Variants in UNC79 observed in about 807,000 individuals in gnomAD.
The protein encoded by UNC79 is protein unc-79 homolog.
In UNC79, 37 loss-of-function variants were observed where a neutral mutation model predicts 283.1. The observed-to-expected ratio is 0.13, with a 90% CI of 0.10 to 0.17. The LOEUF is 0.17. Among genes scored for constraint, UNC79 ranks in the 10% least tolerant of loss-of-function variants. UNC79 has a pLI of 1.00. For synonymous variants in UNC79, 1,107 were observed against 1,200.2 expected (o/e 0.92, Z 1.61); for missense variants, 2,272 against 3,211.1 (o/e 0.71, Z 7.07).
At chr14:93,413,157 A>G (rs1438819971) in intron 1 of UNC79, among the ~76,000 whole-genome samples, 2 of 148,150 alleles carry the variant, frequency 1.3e-5, no homozygotes, top group East Asian at 2.1e-4. Flanking sequence ...AGCATTAGGT[A>G]TATCTCCTAA....
chr14:93,571,128 A>G (rs1186111971), intron 14 of UNC79, among the ~76,000 whole-genome samples: 1 of 152,348 alleles, frequency 6.6e-6, no homozygotes, highest in East Asian at 1.9e-4. Flanking sequence ...GATGTAATAA[A>G]CATTTAAAAT....
chr14:93,558,800 T>C (rs1455031795), intron 14 of UNC79, among the ~76,000 whole-genome samples: 1 of 151,878 alleles, frequency 6.6e-6, no homozygotes, highest in African/African-American at 2.4e-5. Context: ...GTGCCATAAC[T>C]GTGGAGGCCA....
intron 1 of UNC79, among the ~76,000 whole-genome samples, chr14:93,417,356 C>G (rs2055485805): frequency 6.6e-6 from 1 of 152,204 alleles, no homozygotes. Flanking sequence ...GGCCCCAACT[C>G]TCTTCTGGCT....
At position 93,687,598 on chromosome 14, in the gene UNC79, C is replaced by T. The variant is rs551554884; in HGVS notation, c.6909+937C>T. Among the ~76,000 whole-genome samples the T allele has an allele frequency of 5.9e-5, 9 of 152,268 alleles. No individual in the cohort carries two copies. The South Asian group carries it at 1.2e-3, about 21-fold the overall frequency. On this transcript the variant is annotated intron_variant, in intron 43 of 48. Transcript: ENST00000555664. ...GAACTGTTCTCTGGCTCTGCTCAGA[C>T]GATCAAAGTGGTTTTTGGTACAGTG...
intron 3 of UNC79, among the ~76,000 whole-genome samples, chr14:93,475,650 G>A (rs1009351513): frequency 6.6e-6 from 1 of 152,174 alleles, no homozygotes; most frequent in African/African-American, 2.4e-5. Context: ...TTACTATGCT[G>A]ATGAGCTTGT....
chr14:93,695,851 A>G lies in UNC79; in HGVS notation c.7548+1439A>G, dbSNP rs543473437. ...GGTTGCAGTGAGCCTAGATTTTGCC[A>G]CTGCAGTCCAGCCTGGGCAACAGGA... is the stretch of plus-strand genomic sequence containing the variant. On this transcript the variant is annotated intron_variant, in intron 47 of 48. Coordinates refer to ENST00000555664, the Ensembl canonical transcript of UNC79. 2.0e-3 allele frequency among the ~76,000 whole-genome samples: 287 copies of G among 146,724 alleles called. 3 individuals are homozygous for G. The highest frequency in any genetic ancestry group is 7.0e-3 in the Middle Eastern group (2 of 286).
chr14:93,689,962 T>C (rs747924011), intron 44 of UNC79, 155 bp from the exon 48 acceptor site: 3 of 719,014 alleles, frequency 4.2e-6, no homozygotes, highest in East Asian at 2.6e-5. Flanking sequence ...AAAACAGATA[T>C]ATCATTTTGT....
intron 47 of UNC79, among the ~76,000 whole-genome samples, chr14:93,695,709 T>A (rs146590541): frequency 0.026 from 3,926 of 151,588 alleles, 68 homozygotes; most frequent in South Asian, 0.062. Flanking sequence ...CTGGCCAACA[T>A]GGTGAAACAC....
chr14:93,540,517 C>T (rs867568318), intron 12 of UNC79, 143 bp from the exon 13 acceptor site: 1 of 823,718 alleles, frequency 1.2e-6, no homozygotes, highest in Non-Finnish European at 1.8e-6. Context: ...GCACAGTACT[C>T]AGTAACTCAG....
At chr14:93,356,937 A>G (rs2054098064) in intron 1 of UNC79, among the ~76,000 whole-genome samples, 1 of 152,150 alleles carries the variant, frequency 6.6e-6, no homozygotes, top group African/African-American at 2.4e-5. Context: ...AGGTTTGGGT[A>G]TACAGATTAT....
At chr14:93,516,459 G>GA (rs1278950938) in intron 7 of UNC79, among the ~76,000 whole-genome samples, 1 of 113,164 alleles carries the variant, frequency 8.8e-6, no homozygotes, top group Non-Finnish European at 1.8e-5. Context: ...TTGGGGGGGG[G>GA]GGTGGGGGAT....
intron 46 of UNC79, among the ~76,000 whole-genome samples, chr14:93,693,548 A>G (rs1280907618): frequency 6.6e-6 from 1 of 152,238 alleles, no homozygotes; most frequent in Non-Finnish European, 1.5e-5. Flanking sequence ...TGGAATATTT[A>G]AAATCCAGCC....
At chr14:93,653,011 A>T (rs1029306703) in intron 35 of UNC79, among the ~76,000 whole-genome samples, 1 of 152,206 alleles carries the variant, frequency 6.6e-6, no homozygotes, top group Non-Finnish European at 1.5e-5. Context: ...TAGATGTGGC[A>T]CAATGAGGTA....
chr14:93,598,199 C>T (rs1251684912), intron 24 of UNC79, among the ~76,000 whole-genome samples: 1 of 152,078 alleles, frequency 6.6e-6, no homozygotes, highest in Non-Finnish European at 1.5e-5. Context: ...CTATATTGCC[C>T]AGGCTCGTCT....
At chr14:93,669,194 G>A (rs2072563205) in intron 40 of UNC79, among the ~76,000 whole-genome samples, 1 of 151,754 alleles carries the variant, frequency 6.6e-6, no homozygotes, top group African/African-American at 2.4e-5. Flanking sequence ...TTCTGGTGGT[G>A]GTAAACAAGA....
intron 1 of UNC79, among the ~76,000 whole-genome samples, chr14:93,373,318 A>G (rs2054491827): frequency 6.6e-6 from 1 of 152,190 alleles, no homozygotes; most frequent in Non-Finnish European, 1.5e-5. Flanking sequence ...AATGAAATTG[A>G]AACAGGAAAT....
chr14:93,402,737 A>G (rs1240084301), intron 1 of UNC79, among the ~76,000 whole-genome samples: 1 of 152,160 alleles, frequency 6.6e-6, no homozygotes, highest in African/African-American at 2.4e-5. Flanking sequence ...AAGAAAAGGG[A>G]GGAGACAGTA....
chr14:93,584,540 C>G (rs1287322748), intron 20 of UNC79, among the ~76,000 whole-genome samples: 1 of 152,192 alleles, frequency 6.6e-6, no homozygotes, highest in African/African-American at 2.4e-5. Context: ...GCATTCATGC[C>G]TATGGGAAGC....
intron 4 of UNC79, among the ~76,000 whole-genome samples, chr14:93,482,840 A>G (rs998615079): frequency 6.6e-6 from 1 of 152,186 alleles, no homozygotes; most frequent in African/African-American, 2.4e-5. Context: ...CCAAACATGT[A>G]AATCAGATCA....
Sources: allele counts gnomAD v4.1 joint callset (sites outside exome capture counted in the v4.1 genomes callset), GRCh38; gene constraint gnomAD v4.1.1; transcripts MANE v1.5; gene names NCBI Gene and HGNC (gene_info 2026-07-23, HGNC 2026-07-21).